Variants in REM1 observed in about 807,000 individuals in gnomAD.
The protein encoded by REM1 is RRAD and GEM like GTPase 1.
REM1 carries 20 observed loss-of-function variants against 27.0 expected under a neutral mutation model. The observed-to-expected ratio is 0.74, with a 90% CI of 0.52 to 1.08. The LOEUF is 1.08. Ranked by LOEUF, REM1 falls within the 50% of genes least tolerant of loss-of-function variation. REM1 has a pLI of 0.00. For missense variants in REM1, 405 were observed against 407.0 expected, an observed-to-expected ratio of 1.00 and a Z score of 0.04; for synonymous variants, 159 against 167.9, an observed-to-expected ratio of 0.95 and a Z score of 0.41.
chr20:31,480,436 G>T (rs1980693311), intron 3 of REM1, among the ~76,000 whole-genome samples: 1 of 152,062 alleles, frequency 6.6e-6, no homozygotes, highest in African/African-American at 2.4e-5. Flanking sequence ...CTATTCTTCT[G>T]CCTCAGCCTC....
At chr20:31,482,170 C>CCTGTCCAAA (rs1980753491) in intron 3 of REM1, 117 bp from the exon 4 acceptor site, 1 of 842,404 alleles carries the variant, frequency 1.2e-6, no homozygotes, top group Non-Finnish European at 1.9e-6. Context: ...GTCCCCCACA[C>CCTGTCCAAA]CTGTCCAAAC....
At chr20:31,479,634 C>G (rs1980647156) in intron 3 of REM1, among the ~76,000 whole-genome samples, 1 of 152,200 alleles carries the variant, frequency 6.6e-6, no homozygotes, top group Non-Finnish European at 1.5e-5. Context: ...CAAAGAGGGT[C>G]CAAGCAATAG....
intron 3 of REM1, among the ~76,000 whole-genome samples, chr20:31,480,537 G>A (rs892248032): frequency 6.6e-6 from 1 of 151,946 alleles, no homozygotes; most frequent in African/African-American, 2.4e-5. Flanking sequence ...TAGCCAGGCT[G>A]GTCTCGAACT....
rs1980873087 is a variant in REM1, at chr20:31,484,785, C to G, written c.*355C>G. The G allele has an allele frequency of 4.1e-6, 1 of 246,886 alleles. No homozygotes were observed. Among genetic ancestry groups the G allele is most frequent in the Non-Finnish European group, 7.7e-6 (1 of 129,524 alleles). The allele number at this position is 246,886 out of a possible 1,614,324, so 15.3% of individuals were successfully genotyped here. On this transcript the variant is annotated 3_prime_UTR_variant, in exon 5 of 5. Coordinates refer to ENST00000201979, the MANE Select transcript of REM1 (RefSeq NM_014012.6). ...TCTGAATGCCCAGACCTCTCCATCT[C>G]GGCTCTTCCAGGCGTCTCCACCTAC...
chr20:31,477,822 T>A lies in REM1; in HGVS notation c.341-6T>A. On this transcript the variant is annotated splice_region_variant and splice_polypyrimidine_tract_variant and intron_variant, in intron 2 of 4. Transcript: ENST00000201979. ...CCCTGAGATCCAGCTCTTCCCTCGGTTGCAGAAGATGTATATGAGAGGACC... is the reference window on the plus strand; with the variant it reads ...CCCTGAGATCCAGCTCTTCCCTCGGATGCAGAAGATGTATATGAGAGGACC... 3.1e-6 allele frequency: 5 copies of A among 1,610,578 alleles called. No individual in the cohort carries two copies. The highest frequency in any genetic ancestry group is 4.2e-6 in the Non-Finnish European group (5 of 1,178,406).
At position 31,475,421 on chromosome 20, in the gene REM1, A is replaced by C. The variant is rs537774650; in HGVS notation, c.-220+55A>C. The C allele has an allele frequency of 6.6e-6, 1 of 152,486 alleles. No individual in the cohort carries two copies. Among genetic ancestry groups the C allele is most frequent in the East Asian group, 1.9e-4 (1 of 5,184 alleles). The allele number at this position is 152,486 out of a possible 1,614,324, so 9.4% of individuals were successfully genotyped here. ...TGCTCAAGTTGGAGCAGAGTTCGCCAGGCGATTGAAGGGGGATTCGGCAGC... is the reference window on the plus strand; with the variant it reads ...TGCTCAAGTTGGAGCAGAGTTCGCCCGGCGATTGAAGGGGGATTCGGCAGC... On this transcript the variant is annotated intron_variant, in intron 1 of 4. Transcript: ENST00000201979. This position sits in a 1 kb window ranked among gnomAD's most constrained non-coding sequence, Gnocchi z 5.0.
At chr20:31,482,263 G>A (rs755364478) in intron 3 of REM1, 24 bp from the exon 4 acceptor site, 1 of 1,611,042 alleles carries the variant, frequency 6.2e-7, no homozygotes, top group Non-Finnish European at 8.5e-7. Flanking sequence ...CTCTGAGGAT[G>A]GGTCTTGGGT....
In REM1 at chr20:31,484,179, GTGT is replaced by G. The variant is rs1377459673; in HGVS notation, c.648_650del (p.Phe217del). 1 of 1,602,538 alleles carries G rather than the reference GTGT, an allele frequency of 6.2e-7. No individual in the cohort carries two copies. The highest frequency in any genetic ancestry group is 2.2e-5 in the East Asian group (1 of 44,464). ...CTTAGAGGGCCGCGCCTGCGCTGTG[GTGT>G]TCGACTGTAAATTCATCGAGACATC... On this transcript the variant is annotated inframe_deletion, in exon 5 of 5. Coordinates refer to ENST00000201979, the MANE Select transcript of REM1 (RefSeq NM_014012.6).
Position 31,482,461 on chromosome 20 carries a change from G to C in REM1, c.598G>C (p.Ala200Pro). ...IILVGNKADLARCREVSVEEG... is the reference protein window; with the variant it reads ...IILVGNKADLPRCREVSVEEG... ...CCTCGTGGGCAACAAGGCAGACTTGGCCCGCTGCCGAGAAGTCTCTGTGGA... is the reference window on the plus strand; with the variant it reads ...CCTCGTGGGCAACAAGGCAGACTTGCCCCGCTGCCGAGAAGTCTCTGTGGA... The change falls in exon 4 of 5, where the codon GCC (alanine) becomes CCC (proline). Residue 200 changes from alanine to proline, a missense_variant. Coordinates refer to ENST00000201979, the MANE Select transcript of REM1 (RefSeq NM_014012.6). The C allele has an allele frequency of 6.2e-7, 1 of 1,614,112 alleles. No homozygotes were observed. The highest frequency in any genetic ancestry group is 8.5e-7 in the Non-Finnish European group (1 of 1,180,018).
intron 3 of REM1, 112 bp downstream of exon 3, chr20:31,478,022 A>G: frequency 4.4e-6 from 3 of 680,598 alleles, no homozygotes; most frequent in Non-Finnish European, 5.3e-6. Flanking sequence ...GGCCATCCTC[A>G]GCACCCTCCC....
chr20:31,484,553 C>G lies in REM1; in HGVS notation c.*123C>G. 5.0e-6 allele frequency: 6 copies of G among 1,195,578 alleles called. No homozygotes were observed. The South Asian group carries it at 1.1e-4, about 21-fold the overall frequency. The allele number at this position is 1,195,578 out of a possible 1,614,324, so 74.1% of individuals were successfully genotyped here. On this transcript the variant is annotated 3_prime_UTR_variant, in exon 5 of 5. Transcript: ENST00000201979. ...ATCATGGGTCTTGCTTGCCTGCTGC[C>G]CTGATGGCCTGAGCATCCCCCAGAT...
Position 31,477,821 on chromosome 20 carries a change from G to A in REM1, c.341-7G>A. 6.2e-7 allele frequency: 1 copy of A among 1,610,430 alleles called. No individual in the cohort carries two copies. The highest frequency in any genetic ancestry group is 8.5e-7 in the Non-Finnish European group (1 of 1,178,308). On this transcript the variant is annotated splice_region_variant and splice_polypyrimidine_tract_variant and intron_variant, in intron 2 of 4. Transcript: ENST00000201979. ...TCCCTGAGATCCAGCTCTTCCCTCG[G>A]TTGCAGAAGATGTATATGAGAGGAC...
At chr20:31,480,232 CAG>C (rs1568762805) in intron 3 of REM1, among the ~76,000 whole-genome samples, 13 of 109,848 alleles carry the variant, frequency 1.2e-4, no homozygotes, top group African/African-American at 5.5e-4. Context: ...GATAGATAGA[CAG>C]ATACATACAT....
intron 3 of REM1, among the ~76,000 whole-genome samples, chr20:31,479,218 C>A (rs1461483191): frequency 2.0e-5 from 3 of 152,200 alleles, no homozygotes; most frequent in Non-Finnish European, 4.4e-5. Flanking sequence ...ACCTTCTGAA[C>A]CTTCAGCTGA....
In REM1 at chr20:31,484,622, T is replaced by A. The variant is rs1335946268; in HGVS notation, c.*192T>A. 5 of 702,238 alleles carry A rather than the reference T, an allele frequency of 7.1e-6. No homozygotes were observed. Among genetic ancestry groups the A allele is most frequent in the Non-Finnish European group, 1.1e-5 (5 of 466,880 alleles). The allele number at this position is 702,238 out of a possible 1,614,324, so 43.5% of individuals were successfully genotyped here. A position where few individuals can be genotyped will look rare whatever the true frequency, so the allele number is the denominator to read the frequency against. On this transcript the variant is annotated 3_prime_UTR_variant, in exon 5 of 5. Transcript: ENST00000201979. ...GGGAAAGCGATGGACAGACAGACGA[T>A]GGGGCCGAAGCCCCAAGCTGGGCAC...
At chr20:31,480,856 G>T (rs904762732) in intron 3 of REM1, among the ~76,000 whole-genome samples, 1 of 152,170 alleles carries the variant, frequency 6.6e-6, no homozygotes, top group African/African-American at 2.4e-5. Flanking sequence ...TCACCCTAAG[G>T]TTATTTGGCC....
Position 31,476,630 on chromosome 20 carries a change from C to T in REM1, c.185C>T (p.Ala62Val). 6.2e-7 allele frequency: 1 copy of T among 1,614,174 alleles called. No homozygotes were observed. Among genetic ancestry groups the T allele is most frequent in the South Asian group, 1.1e-5 (1 of 91,076 alleles). The stretch of plus-strand genomic sequence containing the variant: ...CCTCCCACCCAGAAACCTTCACCTG[C>T]CCCAGATGATTGGTCTTCTGAATCC... ...LNPPTQKPSP[A>V]PDDWSSESSD... The change falls in exon 2 of 5, where the codon GCC (alanine) becomes GTC (valine). Residue 62 changes from alanine to valine, a missense_variant. Coordinates refer to ENST00000201979, the MANE Select transcript of REM1 (RefSeq NM_014012.6).
At chr20:31,480,188 AAGATAGATAGAT>A (rs11467647) in intron 3 of REM1, among the ~76,000 whole-genome samples, 12,650 of 149,990 alleles carry the variant, frequency 0.084, 570 homozygotes, top group Non-Finnish European at 0.095. Flanking sequence ...CATCTCAATA[AAGATAGATAGAT>A]AGATAGATAG....
rs938228917 is a variant in REM1 at position 31,475,543 on chromosome 20, T to G, written c.-220+177T>G. Among the ~76,000 whole-genome samples the G allele has an allele frequency of 6.6e-6, 1 of 152,256 alleles. No homozygotes were observed. Among genetic ancestry groups the G allele is most frequent in the East Asian group, 1.9e-4 (1 of 5,170 alleles). ...CTGGATAGCCCTGGACAAAGACCCCTCCAACCCCAGGATGGGGGATTCACA... is the reference window on the plus strand; with the variant it reads ...CTGGATAGCCCTGGACAAAGACCCCGCCAACCCCAGGATGGGGGATTCACA... On this transcript the variant is annotated intron_variant, in intron 1 of 4. Coordinates refer to ENST00000201979, the MANE Select transcript of REM1 (RefSeq NM_014012.6). The surrounding 1 kb of genome is among the most constrained non-coding windows in gnomAD (Gnocchi z 5.0).
Sources: allele counts gnomAD v4.1 joint callset (sites outside exome capture counted in the v4.1 genomes callset), GRCh38; gene constraint gnomAD v4.1.1; non-coding constraint Gnocchi (gnomAD v3.1); transcripts MANE v1.5; gene names NCBI Gene and HGNC (gene_info 2026-07-23, HGNC 2026-07-21).